EXOC4: variants seen among roughly 807,000 people sequenced by gnomAD.
EXOC4 encodes the protein SEC8-like 1.
A neutral mutation model predicts 107.2 loss-of-function variants in EXOC4; 71 were observed. That is an observed-to-expected ratio of 0.66 (90% confidence interval 0.55 to 0.81). The LOEUF is 0.81. Among genes scored for constraint, EXOC4 ranks in the 30% least tolerant of loss-of-function variants. EXOC4 has a pLI of 0.00. For missense variants in EXOC4, 1,108 were observed against 1,189.6 expected (o/e 0.93, Z 1.01); for synonymous variants, 456 against 441.2 (o/e 1.03, Z -0.42).
chr7:133,757,309 G>A (rs900596024), intron 10 of EXOC4, among the ~76,000 whole-genome samples: 1 of 152,196 alleles, frequency 6.6e-6, no homozygotes, highest in Non-Finnish European at 1.5e-5. Context: ...CTGAGTTAAG[G>A]GAGGTGGGAG....
chr7:133,384,103 G>A (rs1298946191), intron 7 of EXOC4, among the ~76,000 whole-genome samples: 2 of 152,138 alleles, frequency 1.3e-5, no homozygotes, highest in Non-Finnish European at 1.5e-5. Context: ...GATTCCTCTG[G>A]CTTCTAGTAC....
chr7:134,073,463 G>A, the EXOC4 span, among the ~76,000 whole-genome samples: 4 of 151,796 alleles, frequency 2.6e-5, no homozygotes, highest in Non-Finnish European at 5.9e-5. Context: ...CTCGTTGCCT[G>A]CCAGCATATT....
intron 11 of EXOC4, among the ~76,000 whole-genome samples, chr7:133,860,307 C>T (rs1243644321): frequency 6.6e-6 from 1 of 152,198 alleles, no homozygotes; most frequent in Admixed American, 6.5e-5. Flanking sequence ...GCTCGCTCTC[C>T]CTTTCTCCGC....
chr7:133,835,931 A>C (rs1797909332), intron 11 of EXOC4, among the ~76,000 whole-genome samples: 1 of 152,226 alleles, frequency 6.6e-6, no homozygotes, highest in African/African-American at 2.4e-5. Flanking sequence ...TTACTAACCC[A>C]ATTATAGACC....
chr7:133,898,678 G>A (rs1029995197), intron 12 of EXOC4, among the ~76,000 whole-genome samples: 11 of 150,812 alleles, frequency 7.3e-5, no homozygotes, highest in East Asian at 3.9e-4. Context: ...CCCGGGAGGC[G>A]GAGCTTGCAG....
At chr7:133,672,246 C>A (rs1793962543) in intron 10 of EXOC4, among the ~76,000 whole-genome samples, 1 of 151,894 alleles carries the variant, frequency 6.6e-6, no homozygotes, top group Non-Finnish European at 1.5e-5. Flanking sequence ...AAAAAATTAG[C>A]CGGGCGTGGT....
chr7:134,094,791 A>T, the EXOC4 span, among the ~76,000 whole-genome samples: 1 of 152,158 alleles, frequency 6.6e-6, no homozygotes, highest in Non-Finnish European at 1.5e-5. Context: ...ACATCGATTC[A>T]TAATAAAAAC....
At chr7:133,525,750 G>T (rs1428485057) in intron 9 of EXOC4, among the ~76,000 whole-genome samples, 1 of 152,110 alleles carries the variant, frequency 6.6e-6, no homozygotes, top group Non-Finnish European at 1.5e-5. Flanking sequence ...CTGTAATATA[G>T]TATGAAAGTA....
chr7:134,028,768 A>C (rs139443433), intron 17 of EXOC4, among the ~76,000 whole-genome samples: 16 of 152,356 alleles, frequency 1.1e-4, no homozygotes, highest in African/African-American at 3.1e-4. Flanking sequence ...TAAAGTGTGG[A>C]GTGATAAGAG....
chr7:133,599,291 G>C (rs753189579), intron 9 of EXOC4, among the ~76,000 whole-genome samples: 3 of 152,172 alleles, frequency 2.0e-5, no homozygotes, highest in Non-Finnish European at 2.9e-5. Flanking sequence ...AAATGAAAAG[G>C]CTTCTTAGTA....
intron 17 of EXOC4, among the ~76,000 whole-genome samples, chr7:134,033,293 G>GT (rs1047389595): frequency 6.6e-6 from 1 of 152,172 alleles, no homozygotes; most frequent in African/African-American, 2.4e-5. Context: ...CCTCCAAAAT[G>GT]TTGGTATCCA....
chr7:133,344,541 A>G (rs1476892837), intron 5 of EXOC4, among the ~76,000 whole-genome samples: 1 of 152,164 alleles, frequency 6.6e-6, no homozygotes, highest in Non-Finnish European at 1.5e-5. Context: ...CTGTCTTGTC[A>G]TCGGGTAGGA....
chr7:134,076,071 G>A, the EXOC4 span, among the ~76,000 whole-genome samples: 3 of 152,216 alleles, frequency 2.0e-5, no homozygotes, highest in African/African-American at 7.2e-5. Flanking sequence ...AGCAGAAAGA[G>A]CAAGGGAATT....
intron 2 of EXOC4, among the ~76,000 whole-genome samples, chr7:133,285,831 C>G (rs1257212646): frequency 2.6e-5 from 4 of 151,698 alleles, no homozygotes; most frequent in Admixed American, 6.6e-5. Flanking sequence ...ACTATCATGC[C>G]TCTCTGCAGT....
chr7:133,518,260 G>A (rs541177502), intron 9 of EXOC4, among the ~76,000 whole-genome samples: 12 of 151,852 alleles, frequency 7.9e-5, no homozygotes, highest in African/African-American at 2.7e-4. Flanking sequence ...CGGTGTGCAC[G>A]CAGAGATGGT....
intron 10 of EXOC4, among the ~76,000 whole-genome samples, chr7:133,682,357 G>A (rs1157136690): frequency 6.6e-6 from 1 of 152,126 alleles, no homozygotes. Flanking sequence ...TATATGTTAT[G>A]TGCTATTCTC....
chr7:133,925,072 A>G (rs779976754), intron 13 of EXOC4, among the ~76,000 whole-genome samples: 1 of 152,244 alleles, frequency 6.6e-6, no homozygotes, highest in African/African-American at 2.4e-5. Context: ...TTAGAGTACC[A>G]TAGAATATGG....
At chr7:133,823,255 CTT>C (rs1174742325) in intron 11 of EXOC4, among the ~76,000 whole-genome samples, 2 of 152,300 alleles carry the variant, frequency 1.3e-5, no homozygotes, top group African/African-American at 4.8e-5. Flanking sequence ...ACTGTCATCT[CTT>C]CCTCTGCCAG....
chr7:133,330,986 A>G (rs1242408143), intron 5 of EXOC4, among the ~76,000 whole-genome samples: 1 of 151,850 alleles, frequency 6.6e-6, no homozygotes, highest in Non-Finnish European at 1.5e-5. Flanking sequence ...TTTGCAAAAT[A>G]TATCATTTAA....
Sources: gnomAD v4.1 joint callset for allele counts (sites outside exome capture counted in the v4.1 genomes callset) on GRCh38, gnomAD v4.1.1 for gene constraint, MANE v1.5 for transcripts, NCBI Gene and HGNC (gene_info 2026-07-23, HGNC 2026-07-21) for gene names.